Variants in OFD1 observed in about 807,000 individuals in gnomAD.
OFD1 encodes the protein centriole and centriolar satellite protein OFD1.
Under a neutral mutation model 81.4 loss-of-function variants are expected in OFD1, and 12 were observed. The ratio of observed to expected loss-of-function variants is 0.15; its 90% confidence interval spans 0.09 to 0.24. The LOEUF is 0.24. Ranked by LOEUF, OFD1 falls within the 10% of genes least tolerant of loss-of-function variation. The pLI, the probability that OFD1 is intolerant of heterozygous loss-of-function variation, is 1.00. For synonymous variants in OFD1, 256 were observed against 263.7 expected, an observed-to-expected ratio of 0.97 and a Z score of 0.28; for missense variants, 685 against 733.9, an observed-to-expected ratio of 0.93 and a Z score of 0.77.
the OFD1 span, among the ~76,000 whole-genome samples, chrX:13,724,725 C>G: frequency 8.9e-6 from 1 of 112,481 alleles, no homozygotes; most frequent in Admixed American, 9.4e-5. Flanking sequence ...ACTGAGGTAC[C>G]TGGTTCATCT....
At chrX:13,736,945 C>G (rs1035295216) in intron 3 of OFD1, among the ~76,000 whole-genome samples, 2 of 112,571 alleles carry the variant, frequency 1.8e-5, no homozygotes, top group South Asian at 3.6e-4. Context: ...ATTGATCTAT[C>G]TATCCTCTAT....
intron 22 of OFD1, 129 bp downstream of exon 22, chrX:13,768,914 CAAT>C (rs2048235893): frequency 2.6e-6 from 2 of 772,001 alleles, no homozygotes; most frequent in Non-Finnish European, 4.0e-6. Context: ...ACTATAAAAA[CAAT>C]TGAGTTTTTT....
chrX:13,735,141 CTT>C, intron 1 of OFD1, 58 bp downstream of exon 1: 2 of 1,207,557 alleles, frequency 1.7e-6, no homozygotes, highest in Non-Finnish European at 2.2e-6. Context: ...GTTCGTTAAA[CTT>C]TCGCCGCTAG....
downstream of OFD1, chrX:13,773,265 C>T: frequency 3.7e-6 from 1 of 266,890 alleles, no homozygotes; most frequent in Non-Finnish European, 6.6e-6. Flanking sequence ...AAAAAATGGC[C>T]AAAGGTATTG....
At chrX:13,740,250 C>T (rs1220807471) in intron 5 of OFD1, 3 of 737,479 alleles carry the variant, frequency 4.1e-6, no homozygotes, top group South Asian at 2.2e-5. Flanking sequence ...AAGTGTCGTC[C>T]AGTGTGACTC....
chrX:13,747,022 CA>C (rs1466199388), intron 8 of OFD1, 69 bp downstream of exon 8: 1 of 975,672 alleles, frequency 1.0e-6, no homozygotes, highest in African/African-American at 1.9e-5. Context: ...CGAGATCCAG[CA>C]ACAGGATGGT....
At chrX:13,717,034 T>TAAAAAAAAAA in the OFD1 span, among the ~76,000 whole-genome samples, 1 of 37,936 alleles carries the variant, frequency 2.6e-5, no homozygotes, top group Non-Finnish European at 4.3e-5. Flanking sequence ...GATACTATGT[T>TAAAAAAAAAA]AAAAAAAAAA....
the OFD1 span, chrX:13,719,997 A>T: frequency 4.9e-6 from 5 of 1,018,656 alleles, no homozygotes; most frequent in African/African-American, 9.7e-5. Context: ...TTAAGTGAAA[A>T]ATAGTACATA....
At chrX:13,732,917 C>T (rs1208335036), upstream of OFD1, among the ~76,000 whole-genome samples, 1 of 112,655 alleles carries the variant, frequency 8.9e-6, no homozygotes, top group Non-Finnish European at 1.9e-5. Context: ...AACCTGGGGT[C>T]ATGAGACTAA....
rs1172616360 is a variant in OFD1, at chrX:13,752,676, A to G, written c.1056-692A>G. On this transcript the variant is annotated intron_variant, in intron 10 of 22. Coordinates refer to ENST00000340096, the MANE Select transcript of OFD1 (RefSeq NM_003611.3). ...GTTAATTTTACATAGTTATGGAGCT[A>G]GTGAACTATTTGGTGTCATTGTGAC... 6 of 968,528 alleles carry G rather than the reference A, an allele frequency of 6.2e-6. No homozygotes were observed. In the South Asian group the frequency reaches 9.9e-5, roughly 16 times the overall value. The allele number at this position is 968,528 out of a possible 1,213,427, so 79.8% of individuals were successfully genotyped here.
chrX:13,745,671 G>A (rs2047265455), intron 6 of OFD1, among the ~76,000 whole-genome samples: 1 of 111,994 alleles, frequency 8.9e-6, no homozygotes, highest in Non-Finnish European at 1.9e-5. Flanking sequence ...TTTTGGGTGG[G>A]CGTTATACAC....
intron 18 of OFD1, among the ~76,000 whole-genome samples, chrX:13,762,788 C>T (rs776016146): frequency 4.5e-5 from 5 of 111,524 alleles, no homozygotes; most frequent in Non-Finnish European, 9.4e-5. Flanking sequence ...GAGATGGAGT[C>T]TCTCTCTGTT....
chrX:13,737,132 C>T (rs2046897654), intron 3 of OFD1, among the ~76,000 whole-genome samples: 1 of 98,531 alleles, frequency 1.0e-5, no homozygotes. Context: ...AAATCTAGAT[C>T]TCTAACATGA....
chrX:13,759,905 A>G (rs1048133701), intron 15 of OFD1, among the ~76,000 whole-genome samples: 14 of 112,377 alleles, frequency 1.2e-4, no homozygotes, highest in African/African-American at 4.5e-4. Flanking sequence ...CTGAAATTAT[A>G]TCATGTTACA....
upstream of OFD1, among the ~76,000 whole-genome samples, chrX:13,731,705 C>T (rs1372216173): frequency 8.9e-6 from 1 of 111,920 alleles, no homozygotes; most frequent in Non-Finnish European, 1.9e-5. Context: ...TCATAGCCGA[C>T]TTGAGTGTCA....
Position 13,769,132 on chromosome X carries a change from A to G in OFD1, c.*24A>G, listed in dbSNP as rs1210275060. The G allele has an allele frequency of 3.5e-6, 4 of 1,130,091 alleles. No homozygotes were observed. The highest frequency in any genetic ancestry group is 4.9e-6 in the Non-Finnish European group (4 of 822,310). The allele number at this position is 1,130,091 out of a possible 1,213,427, so 93.1% of individuals were successfully genotyped here. ...AACCATGTTTGCTGCCCAGCTTCTA[A>G]CTTACATACCGTGAGAAGTTACGTA... On this transcript the variant is annotated 3_prime_UTR_variant, in exon 23 of 23. Coordinates refer to ENST00000340096, the MANE Select transcript of OFD1 (RefSeq NM_003611.3).
At chrX:13,736,735 G>A in intron 3 of OFD1, 57 bp downstream of exon 3, 1 of 931,209 alleles carries the variant, frequency 1.1e-6, no homozygotes, top group South Asian at 2.0e-5. Flanking sequence ...TTCCTCTGCT[G>A]ACAGTAAAGT....
At chrX:13,763,966 A>G (rs956534801) in intron 19 of OFD1, 111 bp downstream of exon 19, 2 of 612,060 alleles carry the variant, frequency 3.3e-6, no homozygotes. Context: ...GGTGTAAATT[A>G]GTCAAAATCT....
intron 15 of OFD1, among the ~76,000 whole-genome samples, chrX:13,759,226 A>G: frequency 8.9e-6 from 1 of 112,052 alleles, no homozygotes; most frequent in Admixed American, 9.4e-5. Context: ...TTGTTTCCTC[A>G]TCAGCTCCTT....
Sources: gnomAD v4.1 joint callset for allele counts (sites outside exome capture counted in the v4.1 genomes callset) on GRCh38, gnomAD v4.1.1 for gene constraint, MANE v1.5 for transcripts, NCBI Gene and HGNC (gene_info 2026-07-23, HGNC 2026-07-21) for gene names.